NRXN3: variants seen among roughly 807,000 people sequenced by gnomAD.
NRXN3 encodes the protein neurexin III.
Under a neutral mutation model 137.6 loss-of-function variants are expected in NRXN3, and 32 were observed. The observed-to-expected ratio is 0.23, with a 90% CI of 0.18 to 0.31. The LOEUF (loss-of-function observed/expected upper bound fraction) is 0.31, where lower values mean the gene tolerates loss of function less well. NRXN3 is among the 10% of genes least tolerant of loss of function. NRXN3 has a pLI of 1.00. For missense variants in NRXN3, 1,574 were observed against 2,062.5 expected, an observed-to-expected ratio of 0.76 and a Z score of 4.59; for synonymous variants, 798 against 784.5, an observed-to-expected ratio of 1.02 and a Z score of -0.29.
At chr14:78,560,917 A>G (rs942878990) in intron 4 of NRXN3, among the ~76,000 whole-genome samples, 1 of 152,220 alleles carries the variant, frequency 6.6e-6, no homozygotes. Flanking sequence ...CTAAAAGATT[A>G]GATACGTCTC....
chr14:78,463,926 A>G (rs2095012254), intron 4 of NRXN3, among the ~76,000 whole-genome samples: 2 of 151,944 alleles, frequency 1.3e-5, no homozygotes, highest in Admixed American at 1.3e-4. Context: ...GCCCCTTTGC[A>G]AGATGCTCCT....
chr14:79,531,523 C>G (rs570184569), intron 16 of NRXN3, among the ~76,000 whole-genome samples: 1 of 152,210 alleles, frequency 6.6e-6, no homozygotes, highest in East Asian at 1.9e-4. Context: ...ATAAAGCATG[C>G]TTATGGGAAA....
At chr14:78,858,182 G>T (rs1179775130) in intron 10 of NRXN3, among the ~76,000 whole-genome samples, 1 of 152,114 alleles carries the variant, frequency 6.6e-6, no homozygotes, top group East Asian at 1.9e-4. Flanking sequence ...CAGGCCGGTG[G>T]TGCTGGTAAA....
intron 15 of NRXN3, among the ~76,000 whole-genome samples, chr14:79,320,024 C>G (rs2089685568): frequency 6.6e-6 from 1 of 152,002 alleles, no homozygotes; most frequent in African/African-American, 2.4e-5. Flanking sequence ...TTCCTCTAGT[C>G]TTGGATAATA....
intron 15 of NRXN3, among the ~76,000 whole-genome samples, chr14:79,290,750 T>A (rs1598356979): frequency 2.0e-5 from 3 of 151,628 alleles, no homozygotes; most frequent in African/African-American, 7.3e-5. Flanking sequence ...TGGCCTAAAA[T>A]CCCAGATTTA....
At chr14:78,183,172 T>C (rs537284233) in intron 1 of NRXN3, among the ~76,000 whole-genome samples, 27 of 152,326 alleles carry the variant, frequency 1.8e-4, no homozygotes, top group African/African-American at 6.5e-4. Context: ...TTTTCTTCCT[T>C]CTGGCAAGAA....
At chr14:79,049,459 G>T (rs1312311069) in intron 15 of NRXN3, among the ~76,000 whole-genome samples, 1 of 152,076 alleles carries the variant, frequency 6.6e-6, no homozygotes, top group East Asian at 1.9e-4. Context: ...CACCACATCT[G>T]CAGTTACTTC....
intron 15 of NRXN3, among the ~76,000 whole-genome samples, chr14:79,144,710 C>A (rs1285166792): frequency 6.6e-6 from 1 of 152,182 alleles, no homozygotes; most frequent in African/African-American, 2.4e-5. Context: ...CACTTTAGTT[C>A]TAATGACTTC....
At chr14:78,415,378 A>T (rs1023912484) in intron 4 of NRXN3, among the ~76,000 whole-genome samples, 4 of 152,190 alleles carry the variant, frequency 2.6e-5, no homozygotes, top group African/African-American at 9.6e-5. Flanking sequence ...CTGTCACAAC[A>T]TTTGGCAGCT....
chr14:78,713,736 G>GGA (rs1312681854), intron 7 of NRXN3, among the ~76,000 whole-genome samples: 1 of 152,166 alleles, frequency 6.6e-6, no homozygotes, highest in East Asian at 1.9e-4. Context: ...TATGGCAGCA[G>GGA]GAGAGAGAGA....
chr14:79,094,489 C>T, intron 15 of NRXN3, among the ~76,000 whole-genome samples: 1 of 152,170 alleles, frequency 6.6e-6, no homozygotes, highest in Non-Finnish European at 1.5e-5. Flanking sequence ...GAATACATGC[C>T]TCTTACTCGG....
At chr14:78,934,423 T>A (rs1035275933) in intron 10 of NRXN3, among the ~76,000 whole-genome samples, 2 of 152,176 alleles carry the variant, frequency 1.3e-5, no homozygotes, top group African/African-American at 4.8e-5. Context: ...AGGGGGTGTC[T>A]TTGCACACAT....
chr14:78,232,613 G>C (rs894594012), intron 1 of NRXN3, among the ~76,000 whole-genome samples: 2 of 152,088 alleles, frequency 1.3e-5, no homozygotes, highest in African/African-American at 4.8e-5. Flanking sequence ...TAAGCACCTA[G>C]TTCATTTTCC....
At chr14:78,787,197 T>A (rs1048362961) in intron 8 of NRXN3, among the ~76,000 whole-genome samples, 1 of 152,160 alleles carries the variant, frequency 6.6e-6, no homozygotes, top group Non-Finnish European at 1.5e-5. Flanking sequence ...TGAGGTTTGT[T>A]GAACTGGCAC....
chr14:78,611,122 C>T (rs2097296925), intron 4 of NRXN3, among the ~76,000 whole-genome samples: 1 of 152,128 alleles, frequency 6.6e-6, no homozygotes, highest in Non-Finnish European at 1.5e-5. Context: ...GCCTCCATGG[C>T]AACGTGAAGA....
At chr14:78,979,670 C>G (rs556814370) in intron 14 of NRXN3, among the ~76,000 whole-genome samples, 3 of 151,978 alleles carry the variant, frequency 2.0e-5, no homozygotes, top group Admixed American at 6.6e-5. Flanking sequence ...AAAAATATAC[C>G]CAAGACTGAG....
intron 15 of NRXN3, among the ~76,000 whole-genome samples, chr14:79,209,430 C>T (rs2067303555): frequency 6.6e-6 from 1 of 151,822 alleles, no homozygotes; most frequent in African/African-American, 2.4e-5. Context: ...CTCCAAAAGT[C>T]ACAATGGGTA....
intron 17 of NRXN3, among the ~76,000 whole-genome samples, chr14:79,688,848 G>A (rs1279613350): frequency 6.6e-6 from 1 of 152,104 alleles, no homozygotes; most frequent in African/African-American, 2.4e-5. Flanking sequence ...GAGGCCAAAT[G>A]TATAATGTTC....
At chr14:79,260,763 A>G (rs548192292) in intron 15 of NRXN3, among the ~76,000 whole-genome samples, 3 of 152,296 alleles carry the variant, frequency 2.0e-5, no homozygotes, top group African/African-American at 7.2e-5. Flanking sequence ...TATTTTCCAG[A>G]GAAATGGTAT....
Sources: gnomAD v4.1 joint callset for allele counts (sites outside exome capture counted in the v4.1 genomes callset) on GRCh38, gnomAD v4.1.1 for gene constraint, MANE v1.5 for transcripts, NCBI Gene and HGNC (gene_info 2026-07-23, HGNC 2026-07-21) for gene names.